Variants in LRP1B observed in about 807,000 individuals in gnomAD.
LRP1B encodes the protein low-density lipoprotein receptor-related protein 1B.
LRP1B carries 217 observed loss-of-function variants against 556.6 expected under a neutral mutation model. That is an observed-to-expected ratio of 0.39 (90% CI 0.35 to 0.44). LRP1B has a LOEUF of 0.44. Among genes scored for constraint, LRP1B ranks in the 20% least tolerant of loss-of-function variants. The pLI, the probability that LRP1B is intolerant of heterozygous loss-of-function variation, is 1.00. For missense variants in LRP1B, 5,053 were observed against 5,620.8 expected (o/e 0.90, Z 3.23); for synonymous variants, 2,047 against 1,865.8 (o/e 1.10, Z -2.50).
intron 19 of LRP1B, among the ~76,000 whole-genome samples, chr2:140,951,569 G>A (rs556312541): frequency 2.0e-4 from 30 of 152,192 alleles, no homozygotes; most frequent in African/African-American, 5.8e-4. Context: ...AGATGTCCAG[G>A]TTATTTTCTC....
At chr2:141,922,368 C>G (rs1287609896) in intron 1 of LRP1B, among the ~76,000 whole-genome samples, 1 of 152,144 alleles carries the variant, frequency 6.6e-6, no homozygotes, top group Non-Finnish European at 1.5e-5. Flanking sequence ...TATATCTTTG[C>G]ACATTTTGTC....
chr2:141,262,249 A>G (rs1330429151), intron 3 of LRP1B, among the ~76,000 whole-genome samples: 1 of 150,624 alleles, frequency 6.6e-6, no homozygotes, highest in African/African-American at 2.5e-5. Flanking sequence ...CTTATTATTG[A>G]GCTCTGAAAG....
At chr2:141,222,502 G>C (rs1168758247) in intron 6 of LRP1B, among the ~76,000 whole-genome samples, 5 of 152,142 alleles carry the variant, frequency 3.3e-5, no homozygotes, top group African/African-American at 1.2e-4. Context: ...CAACTGAAAA[G>C]ATGGGACTCC....
At chr2:140,766,050 T>C (rs924429356) in intron 35 of LRP1B, among the ~76,000 whole-genome samples, 1 of 151,990 alleles carries the variant, frequency 6.6e-6, no homozygotes, top group Non-Finnish European at 1.5e-5. Context: ...GAGGCAACTG[T>C]GCCCTTCCAT....
At chr2:141,324,314 A>G (rs1186502287) in intron 3 of LRP1B, among the ~76,000 whole-genome samples, 2 of 152,296 alleles carry the variant, frequency 1.3e-5, no homozygotes, top group East Asian at 3.9e-4. Flanking sequence ...AATTATAAGG[A>G]AAAGAAAATA....
intron 3 of LRP1B, among the ~76,000 whole-genome samples, chr2:141,308,780 A>G (rs953510022): frequency 6.6e-6 from 1 of 152,170 alleles, no homozygotes; most frequent in Admixed American, 6.5e-5. Flanking sequence ...TTGCTTTTTA[A>G]TAATTACCAT....
intron 31 of LRP1B, among the ~76,000 whole-genome samples, chr2:140,814,230 G>C (rs989490697): frequency 1.3e-5 from 2 of 151,860 alleles, no homozygotes; most frequent in African/African-American, 4.8e-5. Context: ...CTGTCACCTT[G>C]GCCTCCCAAA....
chr2:141,376,549 T>C (rs1172506578), intron 3 of LRP1B, among the ~76,000 whole-genome samples: 5 of 152,212 alleles, frequency 3.3e-5, no homozygotes, highest in Non-Finnish European at 7.3e-5. Flanking sequence ...ACATTCTACC[T>C]GCATCTAGTA....
intron 2 of LRP1B, among the ~76,000 whole-genome samples, chr2:141,732,816 G>C (rs1398687639): frequency 1.3e-5 from 2 of 152,110 alleles, no homozygotes; most frequent in African/African-American, 2.4e-5. Context: ...TAGACTATAA[G>C]TTTAGTTGTA....
chr2:140,398,415 A>C (rs1226506841), intron 66 of LRP1B, among the ~76,000 whole-genome samples: 1 of 152,182 alleles, frequency 6.6e-6, no homozygotes. Flanking sequence ...GGAACCACTC[A>C]TACAACACCT....
chr2:140,936,775 T>C (rs1299913132), intron 20 of LRP1B, among the ~76,000 whole-genome samples: 6 of 152,172 alleles, frequency 3.9e-5, no homozygotes, highest in Non-Finnish European at 8.8e-5. Flanking sequence ...CATTTTGTTT[T>C]CTACACAATT....
chr2:141,018,906 C>T (rs1412840856), intron 12 of LRP1B, among the ~76,000 whole-genome samples: 3 of 151,996 alleles, frequency 2.0e-5, no homozygotes, highest in East Asian at 1.9e-4. Flanking sequence ...TTCTAGGAAC[C>T]GCAATTTGGT....
At chr2:142,083,427 G>A (rs1705794788) in intron 1 of LRP1B, among the ~76,000 whole-genome samples, 2 of 152,134 alleles carry the variant, frequency 1.3e-5, no homozygotes, top group Admixed American at 1.3e-4. Context: ...ATCAGAAAGA[G>A]GTATCTTCTT....
At chr2:140,393,457 G>A (rs1161816842) in intron 66 of LRP1B, among the ~76,000 whole-genome samples, 3 of 151,542 alleles carry the variant, frequency 2.0e-5, no homozygotes, top group African/African-American at 7.3e-5. Context: ...TTTGCTATTA[G>A]TTTGAAAATA....
intron 60 of LRP1B, among the ~76,000 whole-genome samples, chr2:140,467,495 C>T (rs148826303): frequency 0.011 from 1,719 of 151,690 alleles, 12 homozygotes; most frequent in Middle Eastern, 0.021. Context: ...GCCTGTTAAT[C>T]CCAGCTACTT....
intron 7 of LRP1B, among the ~76,000 whole-genome samples, chr2:141,092,870 G>A (rs911175848): frequency 1.3e-5 from 2 of 152,230 alleles, no homozygotes; most frequent in African/African-American, 4.8e-5. Flanking sequence ...CTCGATAAGA[G>A]TAGTTGCATT....
chr2:142,131,006 A>G lies in LRP1B; in HGVS notation c.-277T>C. ...CCCGTGTGTCTTGACTTTTCAATGC[A>G]GGGTACGTCTGATCTTACATCACGC... On this transcript the variant is annotated 5_prime_UTR_variant, in exon 1 of 91. Transcript: ENST00000389484. 1 of 519,706 alleles carries G rather than the reference A, an allele frequency of 1.9e-6. No homozygotes were observed. Among genetic ancestry groups the G allele is most frequent in the Non-Finnish European group, 3.5e-6 (1 of 284,538 alleles). The allele number at this position is 519,706 out of a possible 1,614,324, so 32.2% of individuals were successfully genotyped here.
Position 140,399,494 on chromosome 2 carries a change from A to G in LRP1B, c.10415-13485T>C, listed in dbSNP as rs193088287. 2.6e-3 allele frequency among the ~76,000 whole-genome samples: 399 copies of G among 152,280 alleles called. 1 individual carries two copies. The highest frequency in any genetic ancestry group is 3.6e-3 in the Non-Finnish European group (247 of 68,024). ...ATATTTTCCTCCCTATGCCCCAAAT[A>G]TATTAGAGAGGCCACAGTTTATACA... On this transcript the variant is annotated intron_variant, in intron 66 of 90. Transcript: ENST00000389484.
intron 2 of LRP1B, among the ~76,000 whole-genome samples, chr2:141,746,213 C>T (rs542709045): frequency 6.6e-6 from 1 of 152,240 alleles, no homozygotes; most frequent in Admixed American, 6.5e-5. Flanking sequence ...AGCACTAGGA[C>T]ATGTCTAGGG....
Sources: gnomAD v4.1 joint callset for allele counts (sites outside exome capture counted in the v4.1 genomes callset) on GRCh38, gnomAD v4.1.1 for gene constraint, MANE v1.5 for transcripts, NCBI Gene and HGNC (gene_info 2026-07-23, HGNC 2026-07-21) for gene names.